Variants in SGCZ observed in about 807,000 individuals in gnomAD.
The protein encoded by SGCZ is zeta-sarcoglycan.
A neutral mutation model predicts 41.3 loss-of-function variants in SGCZ; 40 were observed. The observed-to-expected ratio is 0.97, with a 90% CI of 0.75 to 1.26. SGCZ has a LOEUF of 1.26. SGCZ is among the 50% of genes most tolerant of loss of function. SGCZ has a pLI of 0.00. For synonymous variants in SGCZ, 206 were observed against 137.5 expected (o/e 1.50, Z -3.49); for missense variants, 552 against 369.8 (o/e 1.49, Z -4.04).
At chr8:14,861,570 A>G (rs765534027) in intron 1 of SGCZ, among the ~76,000 whole-genome samples, 4 of 152,080 alleles carry the variant, frequency 2.6e-5, no homozygotes, top group Admixed American at 1.3e-4. Flanking sequence ...TAAAATACTA[A>G]TTTTTCTTTA....
At chr8:14,326,843 C>T (rs1259809666) in intron 2 of SGCZ, among the ~76,000 whole-genome samples, 3 of 152,060 alleles carry the variant, frequency 2.0e-5, no homozygotes, top group African/African-American at 7.2e-5. Context: ...TACATTACCA[C>T]CCACTTACTG....
chr8:14,584,183 G>T (rs1469455315), intron 1 of SGCZ, among the ~76,000 whole-genome samples: 1 of 152,098 alleles, frequency 6.6e-6, no homozygotes, highest in Non-Finnish European at 1.5e-5. Context: ...CTAGGTGTTA[G>T]ACTTGAGAGG....
At chr8:14,962,263 T>A (rs1485836868) in intron 1 of SGCZ, among the ~76,000 whole-genome samples, 1 of 152,124 alleles carries the variant, frequency 6.6e-6, no homozygotes, top group African/African-American at 2.4e-5. Flanking sequence ...AGTTTATATA[T>A]TTTTATTCCT....
intron 2 of SGCZ, among the ~76,000 whole-genome samples, chr8:14,371,992 A>G (rs1420589438): frequency 6.6e-6 from 1 of 152,134 alleles, no homozygotes; most frequent in Non-Finnish European, 1.5e-5. Flanking sequence ...AGCTAAATTT[A>G]TAGAGTAATC....
chr8:14,217,324 T>C (rs1345639372), intron 4 of SGCZ, among the ~76,000 whole-genome samples: 2 of 142,618 alleles, frequency 1.4e-5, no homozygotes, highest in Non-Finnish European at 3.0e-5. Flanking sequence ...AAAAGCTCTA[T>C]AGATACACAC....
chr8:15,002,524 T>C (rs1422170292), intron 1 of SGCZ, among the ~76,000 whole-genome samples: 2 of 152,084 alleles, frequency 1.3e-5, no homozygotes, highest in Admixed American at 1.3e-4. Flanking sequence ...AGCAGCCTCA[T>C]GGATAAAACT....
intron 4 of SGCZ, among the ~76,000 whole-genome samples, chr8:14,236,695 G>C (rs1806775795): frequency 6.6e-6 from 1 of 151,362 alleles, no homozygotes. Context: ...TAACTAGATA[G>C]AGATAAACAG....
At chr8:14,214,833 T>G (rs1805939247) in intron 4 of SGCZ, among the ~76,000 whole-genome samples, 1 of 152,074 alleles carries the variant, frequency 6.6e-6, no homozygotes, top group Non-Finnish European at 1.5e-5. Context: ...CATAAGCAGG[T>G]ATGCACCAAA....
chr8:14,646,093 T>C (rs1461900213), intron 1 of SGCZ, among the ~76,000 whole-genome samples: 2 of 151,994 alleles, frequency 1.3e-5, no homozygotes, highest in Middle Eastern at 3.4e-3. Flanking sequence ...AGGGAATACA[T>C]ATACAGGTCA....
chr8:14,301,707 G>A (rs968257591), intron 3 of SGCZ, among the ~76,000 whole-genome samples: 3 of 152,054 alleles, frequency 2.0e-5, no homozygotes, highest in Non-Finnish European at 2.9e-5. Context: ...GGTAGAAAAA[G>A]GGGAAAGACA....
At chr8:14,193,088 A>G (rs1264992622) in intron 4 of SGCZ, among the ~76,000 whole-genome samples, 1 of 151,878 alleles carries the variant, frequency 6.6e-6, no homozygotes, top group Non-Finnish European at 1.5e-5. Flanking sequence ...TAGGCTGTCA[A>G]AATCTTTTTT....
At position 14,977,861 on chromosome 8, in the gene SGCZ, T is replaced by G. The variant is rs189469697; in HGVS notation, c.39+259724A>C. ...CATATCATGAACTAGTTATCAGGCT[T>G]TAAAATCAAGAACAATTTTACACAC... On this transcript the variant is annotated intron_variant, in intron 1 of 7. Coordinates refer to ENST00000382080, the MANE Select transcript of SGCZ (RefSeq NM_139167.4). Among the ~76,000 whole-genome samples, 986 of 148,870 alleles carry G rather than the reference T, an allele frequency of 6.6e-3. 3 individuals are homozygous for G. The highest frequency in any genetic ancestry group is 0.011 in the Non-Finnish European group (733 of 67,488).
In SGCZ at chr8:14,088,652, C is replaced by T. The variant is rs551325962; in HGVS notation, c.*1791G>A. Among the ~76,000 whole-genome samples, 51 of 151,572 alleles carry T rather than the reference C, an allele frequency of 3.4e-4. No individual in the cohort carries two copies. The highest frequency in any genetic ancestry group is 1.2e-3 in the African/African-American group (49 of 41,416). On this transcript the variant is annotated 3_prime_UTR_variant, in exon 8 of 8. Transcript: ENST00000382080. ...GATTTAAAAAGTTATATAATAACAC[C>T]CAAATATAATCACATTTTATTTTAA...
At chr8:15,025,232 A>G (rs1004530380) in intron 1 of SGCZ, among the ~76,000 whole-genome samples, 6 of 152,172 alleles carry the variant, frequency 3.9e-5, no homozygotes, top group Admixed American at 3.9e-4. Flanking sequence ...CACACACACA[A>G]CTGCAAGGTT....
Position 14,577,433 on chromosome 8 carries a change from G to C in SGCZ, c.40-22507C>G, listed in dbSNP as rs931790189. Among the ~76,000 whole-genome samples, 3 of 138,720 alleles carry C rather than the reference G, an allele frequency of 2.2e-5. No individual in the cohort carries two copies. In the South Asian group the frequency reaches 6.7e-4, roughly 31 times the overall value. The allele number at this position is 138,720 out of a possible 152,430, so 91.0% of individuals were successfully genotyped here. ...AGACAGAGTCTCACTCCGTCAGCCA[G>C]GCTGGAGTATAGTGGCGCAATCTCG... On this transcript the variant is annotated intron_variant, in intron 1 of 7. Transcript: ENST00000382080.
chr8:14,344,717 C>G (rs957432013), intron 2 of SGCZ, among the ~76,000 whole-genome samples: 18 of 152,002 alleles, frequency 1.2e-4, no homozygotes, highest in Non-Finnish European at 2.5e-4. Context: ...AATATAACGA[C>G]TTGAGTTAAA....
rs1294472065 is a variant in SGCZ at position 15,125,613 on chromosome 8, C to T, written c.39+111972G>A. Reference sequence around the variant, plus strand: ...TTAATTTGCTATATTTTTTCATATACCCCAATATACTCTGGAATATATCTC... The same window carrying T: ...TTAATTTGCTATATTTTTTCATATATCCCAATATACTCTGGAATATATCTC... On this transcript the variant is annotated intron_variant, in intron 1 of 7. Coordinates refer to ENST00000382080, the MANE Select transcript of SGCZ (RefSeq NM_139167.4). 2.0e-5 allele frequency among the ~76,000 whole-genome samples: 3 copies of T among 152,050 alleles called. No individual in the cohort carries two copies. In the East Asian group the frequency reaches 5.8e-4, roughly 29 times the overall value.
At chr8:14,186,073 C>G (rs537490442) in intron 4 of SGCZ, among the ~76,000 whole-genome samples, 1 of 152,264 alleles carries the variant, frequency 6.6e-6, no homozygotes, top group African/African-American at 2.4e-5. Context: ...ATCCTCTTCT[C>G]AGGGAATGGG....
rs544409322 is a variant in SGCZ, at chr8:14,329,241, G to C, written c.235-5037C>G. 8.5e-5 allele frequency among the ~76,000 whole-genome samples: 13 copies of C among 152,162 alleles called. 2 individuals carry two copies. Among genetic ancestry groups the C allele is most frequent in the African/African-American group, 3.1e-4 (13 of 41,536 alleles). Reference sequence around the variant, plus strand: ...TTTTTATTTATTAACTGTTGACTTTGACATGTTGTCTATCTAAACCCAAAT... The same window carrying C: ...TTTTTATTTATTAACTGTTGACTTTCACATGTTGTCTATCTAAACCCAAAT... On this transcript the variant is annotated intron_variant, in intron 2 of 7. Coordinates refer to ENST00000382080, the MANE Select transcript of SGCZ (RefSeq NM_139167.4).
Sources: gnomAD v4.1 joint callset for allele counts (sites outside exome capture counted in the v4.1 genomes callset) on GRCh38, gnomAD v4.1.1 for gene constraint, MANE v1.5 for transcripts, NCBI Gene and HGNC (gene_info 2026-07-23, HGNC 2026-07-21) for gene names.